Variants in SLC24A5 observed in about 807,000 individuals in gnomAD.
SLC24A5 encodes the protein sodium/potassium/calcium exchanger 5.
A neutral mutation model predicts 51.6 loss-of-function variants in SLC24A5; 46 were observed. The ratio of observed to expected loss-of-function variants is 0.89; its 90% CI spans 0.70 to 1.14. SLC24A5 has a LOEUF of 1.14. Ranked by LOEUF, SLC24A5 falls within the 50% of genes most tolerant of loss-of-function variation. The pLI is 0.00. For missense variants in SLC24A5, 581 were observed against 604.1 expected, an observed-to-expected ratio of 0.96 and a Z score of 0.40; for synonymous variants, 230 against 214.9, an observed-to-expected ratio of 1.07 and a Z score of -0.62.
In SLC24A5 at chr15:48,136,754, A is replaced by G. The variant is rs2038910023; in HGVS notation, c.662A>G (p.Asn221Ser). ...VLVLCFDIKI[N>S]QYIIKKCSPC... ...GTGCTGTGTTTTGACATTAAAATTAACCAATATATTATAAAGAAATGCAGT... is the reference window on the plus strand; with the variant it reads ...GTGCTGTGTTTTGACATTAAAATTAGCCAATATATTATAAAGAAATGCAGT... Residue 221 changes from asparagine to serine, a missense_variant, in exon 6 of 9, where the codon AAC (asparagine) becomes AGC (serine). By Grantham distance (46) the Asn-to-Ser change is conservative (BLOSUM62 1). Coordinates refer to ENST00000341459, the MANE Select transcript of SLC24A5 (RefSeq NM_205850.3). 1 of 1,613,572 alleles carries G rather than the reference A, an allele frequency of 6.2e-7. No individual in the cohort carries two copies. The highest frequency in any genetic ancestry group is 2.2e-5 in the East Asian group (1 of 44,864).
At chr15:48,135,590 G>A (rs2038875391) in intron 5 of SLC24A5, 1 of 152,178 alleles carries the variant, frequency 6.6e-6, no homozygotes, top group Admixed American at 6.5e-5. Flanking sequence ...CAACTAGTAA[G>A]CAGCAGGCAC....
chr15:48,127,453 A>C (rs2038743100), intron 2 of SLC24A5, among the ~76,000 whole-genome samples: 1 of 152,214 alleles, frequency 6.6e-6, no homozygotes, highest in African/African-American at 2.4e-5. Flanking sequence ...GTAGGAAGTA[A>C]GCTTATTAAA....
Position 48,131,360 on chromosome 15 carries a change from T to C in SLC24A5, c.302-2898T>C, listed in dbSNP as rs573095709. 9.5e-4 allele frequency among the ~76,000 whole-genome samples: 144 copies of C among 152,262 alleles called. 1 individual carries two copies. The highest frequency in any genetic ancestry group is 3.4e-3 in the African/African-American group (142 of 41,548). The stretch of plus-strand genomic sequence containing the variant: ...GGAAATATGCTATGGTTTGGGTATT[T>C]GTCCACTCCAAATCTCATGTTGAAA... On this transcript the variant is annotated intron_variant, in intron 2 of 8. Coordinates refer to ENST00000341459, the MANE Select transcript of SLC24A5 (RefSeq NM_205850.3).
At chr15:48,125,578 G>A (rs2038722931) in intron 2 of SLC24A5, among the ~76,000 whole-genome samples, 1 of 152,046 alleles carries the variant, frequency 6.6e-6, no homozygotes, top group South Asian at 2.1e-4. Context: ...TTCCTCTCGA[G>A]AGCACTGAAA....
intron 5 of SLC24A5, 76 bp from the exon 6 acceptor site, chr15:48,136,607 T>C (rs1365406214): frequency 8.2e-6 from 11 of 1,334,320 alleles, no homozygotes; most frequent in African/African-American, 1.5e-5. Flanking sequence ...AATCATTCAA[T>C]AGATACTGCC....
Position 48,139,335 on chromosome 15 carries a change from C to G in SLC24A5, c.1078+160C>G. The G allele has an allele frequency of 5.3e-6, 3 of 568,246 alleles. No homozygotes were observed. In the South Asian group the frequency reaches 8.0e-5, roughly 15 times the overall value. The allele number at this position is 568,246 out of a possible 1,614,324, so 35.2% of individuals were successfully genotyped here. ...TGATTAAGTATTACTATAACAAGAT[C>G]ACTGGAGTTTGTGAGTTGCATATTA... On this transcript the variant is annotated intron_variant, in intron 7 of 8. Transcript: ENST00000341459.
intron 2 of SLC24A5, among the ~76,000 whole-genome samples, chr15:48,125,448 C>T (rs1258481624): frequency 6.6e-6 from 1 of 151,956 alleles, no homozygotes; most frequent in Non-Finnish European, 1.5e-5. Flanking sequence ...TCTCTAATGC[C>T]AAAACTCAAG....
chr15:48,134,271 T>A lies in SLC24A5; in HGVS notation c.315T>A (p.Ser105=). Residue 105 remains serine, a synonymous_variant, in exon 3 of 9, where the codon TCT becomes TCA. Transcript: ENST00000341459. ...LEIISESLGL[S]QDVAGTTFMA... ...ATTTATGTTCAGCCCTTGGATTGTC[T>A]CAGGATGTTGCAGGCACAACTTTCA... is the stretch of plus-strand genomic sequence containing the variant. 1 of 1,613,610 alleles carries A rather than the reference T, an allele frequency of 6.2e-7. No homozygotes were observed. The highest frequency in any genetic ancestry group is 8.5e-7 in the Non-Finnish European group (1 of 1,179,604).
At position 48,136,871 on chromosome 15, in the gene SLC24A5, G is replaced by C; in HGVS notation, c.779G>C (p.Arg260Pro). 1 of 1,613,778 alleles carries C rather than the reference G, an allele frequency of 6.2e-7. No individual in the cohort carries two copies. The highest frequency in any genetic ancestry group is 8.5e-7 in the Non-Finnish European group (1 of 1,179,794). ...GATGAAGGTCAACCATTCATTCGTCGGCAATCAAGAACTGATAGTGGAATA... is the reference window on the plus strand; with the variant it reads ...GATGAAGGTCAACCATTCATTCGTCCGCAATCAAGAACTGATAGTGGAATA... ...WEDEGQPFIRRQSRTDSGIFY... is the reference protein window; with the variant it reads ...WEDEGQPFIRPQSRTDSGIFY... The change falls in exon 6 of 9, where the codon CGG (arginine) becomes CCG (proline). Residue 260 changes from arginine (R) to proline (P), a missense_variant. Arg to Pro is a moderately radical substitution (Grantham distance 103). Transcript: ENST00000341459.
chr15:48,126,520 T>C (rs2038733211), intron 2 of SLC24A5, among the ~76,000 whole-genome samples: 1 of 152,140 alleles, frequency 6.6e-6, no homozygotes, highest in Non-Finnish European at 1.5e-5. Context: ...GGAAACAGAA[T>C]GGAGATTCTG....
At chr15:48,122,385 T>TGAA in intron 2 of SLC24A5, 1 of 382,538 alleles carries the variant, frequency 2.6e-6, no homozygotes. Context: ...TCCTAATATT[T>TGAA]GCCATTTTAT....
intron 6 of SLC24A5, 81 bp downstream of exon 6, chr15:48,137,044 G>A (rs764092588): frequency 7.0e-7 from 1 of 1,431,458 alleles, no homozygotes; most frequent in Non-Finnish European, 9.4e-7. Context: ...AGCAAGTATT[G>A]TGTGCTTTTT....
chr15:48,123,282 GATTAA>G (rs1444063935), intron 2 of SLC24A5: 1 of 151,568 alleles, frequency 6.6e-6, no homozygotes, highest in Non-Finnish European at 1.5e-5. Flanking sequence ...CTTTAATAAA[GATTAA>G]ATTATTTAAC....
chr15:48,122,302 G>A, intron 2 of SLC24A5: 1 of 580,468 alleles, frequency 1.7e-6, no homozygotes, highest in Non-Finnish European at 3.0e-6. Context: ...TCTACTGCCT[G>A]GATGTTTGTT....
At chr15:48,141,744 T>C (rs952514537) in intron 8 of SLC24A5, 1 of 216,822 alleles carries the variant, frequency 4.6e-6, no homozygotes, top group Non-Finnish European at 9.1e-6. Context: ...TGTTAAATAG[T>C]AATTAACCAT....
In SLC24A5 at chr15:48,134,889, A is replaced by C; in HGVS notation, c.495A>C (p.Ser165=). The change falls in exon 5 of 9, where the codon TCA becomes TCC. Residue 165 remains serine, a synonymous_variant. Transcript: ENST00000341459. The part of the protein sequence containing the change: ...AACGLLSNTV[S]TLSCWPLFRD... Reference sequence around the variant, plus strand: ...AATAACTTACCATATTACAGGTCTCAACACTATCATGTTGGCCCCTATTCA... The same window carrying C: ...AATAACTTACCATATTACAGGTCTCCACACTATCATGTTGGCCCCTATTCA... 6.2e-7 allele frequency: 1 copy of C among 1,609,318 alleles called. No individual in the cohort carries two copies. Among genetic ancestry groups the C allele is most frequent in the Non-Finnish European group, 8.5e-7 (1 of 1,177,020 alleles).
intron 2 of SLC24A5, among the ~76,000 whole-genome samples, chr15:48,127,231 C>G (rs965246391): frequency 5.3e-5 from 8 of 152,164 alleles, no homozygotes; most frequent in African/African-American, 1.9e-4. Context: ...ACACAAGTAC[C>G]TAGCACATAG....
chr15:48,121,590 CAAG>C (rs1018618270), intron 1 of SLC24A5, among the ~76,000 whole-genome samples: 94 of 152,262 alleles, frequency 6.2e-4, no homozygotes, highest in African/African-American at 2.2e-3. Context: ...GAAATAAAAA[CAAG>C]GAGGAGTGAT....
At chr15:48,121,416 A>T (rs1212005975) in intron 1 of SLC24A5, among the ~76,000 whole-genome samples, 1 of 152,214 alleles carries the variant, frequency 6.6e-6, no homozygotes, top group Non-Finnish European at 1.5e-5. Flanking sequence ...CTTTTTGGTG[A>T]AAACAAAAAA....
Sources: allele counts gnomAD v4.1 joint callset (sites outside exome capture counted in the v4.1 genomes callset), GRCh38; gene constraint gnomAD v4.1.1; transcripts MANE v1.5; gene names NCBI Gene and HGNC (gene_info 2026-07-23, HGNC 2026-07-21).